Variants in LRRC37A2 observed in about 807,000 individuals in gnomAD.
LRRC37A2 encodes leucine rich repeat containing 37 member A2, also known as leucine-rich repeat-containing protein 37A2.
In LRRC37A2, 9 loss-of-function variants were observed where a neutral mutation model predicts 68.8. That is an observed-to-expected ratio of 0.13 (90% CI 0.08 to 0.23). The LOEUF (loss-of-function observed/expected upper bound fraction) is 0.23. Among genes scored for constraint, LRRC37A2 ranks in the 10% least tolerant of loss-of-function variants. The pLI is 1.00. For synonymous variants in LRRC37A2, 63 were observed against 367.6 expected (o/e 0.17, Z 9.48); for missense variants, 168 against 950.4 (o/e 0.18, Z 10.82).
the LRRC37A2 span, among the ~76,000 whole-genome samples, chr17:46,679,671 A>G: frequency 7.6e-5 from 11 of 145,418 alleles, no homozygotes; most frequent in African/African-American, 2.8e-4. Flanking sequence ...CAGCCTGGGT[A>G]ACAAAAGTGA....
At chr17:46,990,214 A>C in the LRRC37A2 span, among the ~76,000 whole-genome samples, 1 of 152,218 alleles carries the variant, frequency 6.6e-6, no homozygotes, top group African/African-American at 2.4e-5. Flanking sequence ...GACACAGAAG[A>C]GTCAAAACAA....
the LRRC37A2 span, among the ~76,000 whole-genome samples, chr17:46,480,090 C>CA: frequency 2.1e-5 from 2 of 96,504 alleles, no homozygotes; most frequent in Non-Finnish European, 4.6e-5. Flanking sequence ...CTTCCAGGTT[C>CA]AGCCATTCTC....
chr17:46,779,099 A>AC, the LRRC37A2 span, among the ~76,000 whole-genome samples: 13 of 128,644 alleles, frequency 1.0e-4, no homozygotes, highest in East Asian at 1.3e-3. Flanking sequence ...ACACACACAC[A>AC]CACACCCCAG....
the LRRC37A2 span, chr17:46,722,237 A>C: frequency 2.4e-6 from 3 of 1,231,502 alleles, no homozygotes; most frequent in Non-Finnish European, 2.4e-6. Context: ...GCACGTCAAA[A>C]TCCCTACATT....
At chr17:47,036,903 T>C in the LRRC37A2 span, among the ~76,000 whole-genome samples, 1 of 122,254 alleles carries the variant, frequency 8.2e-6, no homozygotes, top group African/African-American at 2.9e-5. Flanking sequence ...ATTGTACTGA[T>C]AATAGCAAAG....
the LRRC37A2 span, among the ~76,000 whole-genome samples, chr17:46,585,233 G>A: frequency 6.7e-6 from 1 of 148,924 alleles, no homozygotes; most frequent in African/African-American, 2.6e-5. Context: ...CAGGAGAATT[G>A]CTTGAACCTG....
At chr17:46,879,536 T>C in the LRRC37A2 span, among the ~76,000 whole-genome samples, 2 of 152,264 alleles carry the variant, frequency 1.3e-5, no homozygotes. Context: ...CAAAAACTTT[T>C]ACCCCTTTCA....
At chr17:46,862,198 G>C in the LRRC37A2 span, among the ~76,000 whole-genome samples, 2 of 151,078 alleles carry the variant, frequency 1.3e-5, no homozygotes, top group Admixed American at 6.6e-5. Flanking sequence ...AAAAGAAAAG[G>C]GAAAGAAAAG....
At chr17:46,988,471 A>C in the LRRC37A2 span, among the ~76,000 whole-genome samples, 1 of 152,348 alleles carries the variant, frequency 6.6e-6, no homozygotes, top group South Asian at 2.1e-4. Flanking sequence ...TGTTAATTTT[A>C]TGTTATGTGT....
At chr17:46,839,088 A>G in the LRRC37A2 span, among the ~76,000 whole-genome samples, 112 of 152,108 alleles carry the variant, frequency 7.4e-4, no homozygotes, top group Non-Finnish European at 1.1e-3. Context: ...ATGTTGGCCA[A>G]GCTGGTCTCG....
the LRRC37A2 span, chr17:46,938,833 G>A: frequency 6.2e-7 from 1 of 1,607,656 alleles, no homozygotes; most frequent in South Asian, 1.1e-5. Context: ...GAGAGAGGGG[G>A]GCCCAGAGGC....
At chr17:46,996,951 G>T in the LRRC37A2 span, among the ~76,000 whole-genome samples, 1 of 152,328 alleles carries the variant, frequency 6.6e-6, no homozygotes, top group Admixed American at 6.5e-5. Context: ...AATTCTCCCA[G>T]AATTGATGAG....
At chr17:46,903,504 T>C in the LRRC37A2 span, among the ~76,000 whole-genome samples, 44 of 152,236 alleles carry the variant, frequency 2.9e-4, no homozygotes, top group East Asian at 8.1e-3. Context: ...TCTGGCCTTC[T>C]TATGTGAAAT....
chr17:46,844,361 T>G, the LRRC37A2 span, among the ~76,000 whole-genome samples: 1 of 146,712 alleles, frequency 6.8e-6, no homozygotes, highest in East Asian at 2.0e-4. Context: ...TTCCCAGAGA[T>G]AAACCAAGGT....
At chr17:46,750,788 T>C in the LRRC37A2 span, among the ~76,000 whole-genome samples, 1 of 151,966 alleles carries the variant, frequency 6.6e-6, no homozygotes, top group African/African-American at 2.4e-5. Flanking sequence ...TAGTGGCTTT[T>C]AGCACATTTC....
chr17:46,934,953 C>G, the LRRC37A2 span: 1 of 1,382,546 alleles, frequency 7.2e-7, no homozygotes, highest in Non-Finnish European at 1.0e-6. Context: ...TTGGCCTTGG[C>G]CAAAAGACAG....
At chr17:47,023,542 G>A in the LRRC37A2 span, among the ~76,000 whole-genome samples, 1 of 152,176 alleles carries the variant, frequency 6.6e-6, no homozygotes, top group Non-Finnish European at 1.5e-5. Context: ...GTAGCCAGGT[G>A]TGGTGGTGGG....
At chr17:47,044,804 G>C in the LRRC37A2 span, among the ~76,000 whole-genome samples, 2 of 148,226 alleles carry the variant, frequency 1.3e-5, no homozygotes, top group Non-Finnish European at 3.0e-5. Flanking sequence ...TTGAGCCCAG[G>C]AGTTCGAGAC....
chr17:46,755,305 T>C, the LRRC37A2 span: 3 of 1,609,612 alleles, frequency 1.9e-6, no homozygotes, highest in Non-Finnish European at 2.6e-6. Context: ...TTTCTTCTGA[T>C]GTATTTAGAT....
Sources: allele counts gnomAD v4.1 joint callset (sites outside exome capture counted in the v4.1 genomes callset), GRCh38; gene constraint gnomAD v4.1.1; transcripts MANE v1.5; gene names NCBI Gene and HGNC (gene_info 2026-07-23, HGNC 2026-07-21).